RBFOX1: variants seen among roughly 807,000 people sequenced by gnomAD.
RBFOX1 encodes RNA binding protein fox-1 homolog 1.
RBFOX1 carries 8 observed loss-of-function variants against 57.7 expected under a neutral mutation model. The ratio of observed to expected loss-of-function variants is 0.14; its 90% CI spans 0.08 to 0.25. RBFOX1 has a LOEUF of 0.25. RBFOX1 is among the 10% of genes least tolerant of loss of function. The pLI is 1.00. For synonymous variants in RBFOX1, 326 were observed against 222.4 expected (o/e 1.47, Z -4.15); for missense variants, 611 against 548.5 (o/e 1.11, Z -1.14).
At chr16:6,444,786 C>G (rs542118505) in intron 2 of RBFOX1, among the ~76,000 whole-genome samples, 2 of 152,210 alleles carry the variant, frequency 1.3e-5, no homozygotes, top group South Asian at 2.1e-4. Flanking sequence ...GGGGAGGAAC[C>G]AAAACTGCTT....
Position 5,751,055 on chromosome 16 carries a change from C to T in RBFOX1, c.319-116248C>T, listed in dbSNP as rs903980260. 2.0e-5 allele frequency among the ~76,000 whole-genome samples: 3 copies of T among 152,274 alleles called. No individual in the cohort carries two copies. The South Asian group carries it at 6.2e-4, about 32-fold the overall frequency. ...GGTGGGTTTCACCATGTTGACTGGG[C>T]TGGTCTCAAACTTCTGACCTGAAGA... On this transcript the variant is annotated intron_variant, in intron 3 of 19. Transcript: ENST00000641259.
intron 4 of RBFOX1, among the ~76,000 whole-genome samples, chr16:7,280,929 A>G (rs2095527994): frequency 6.7e-6 from 1 of 149,462 alleles, no homozygotes; most frequent in Non-Finnish European, 1.5e-5. Flanking sequence ...GGGCCTCTTG[A>G]ATCAATTGCA....
At chr16:6,381,164 A>G (rs757452585) in intron 2 of RBFOX1, among the ~76,000 whole-genome samples, 1 of 152,060 alleles carries the variant, frequency 6.6e-6, no homozygotes, top group Non-Finnish European at 1.5e-5. Context: ...TCCTAGAGAC[A>G]TTTTCATTTT....
chr16:7,034,832 T>TTTTTTTC (rs2043841845), intron 3 of RBFOX1, among the ~76,000 whole-genome samples: 2 of 113,522 alleles, frequency 1.8e-5, no homozygotes, highest in African/African-American at 3.7e-5. Flanking sequence ...CATTACTTTT[T>TTTTTTTC]TTTTTTTTCT....
intron 4 of RBFOX1, among the ~76,000 whole-genome samples, chr16:7,097,462 C>A (rs1028430933): frequency 6.6e-6 from 1 of 152,140 alleles, no homozygotes. Context: ...AAGAACCCTA[C>A]AGAGGAGGAC....
At chr16:5,747,686 T>G (rs1375159647) in intron 3 of RBFOX1, among the ~76,000 whole-genome samples, 1 of 152,194 alleles carries the variant, frequency 6.6e-6, no homozygotes, top group Non-Finnish European at 1.5e-5. Flanking sequence ...TATACTATTC[T>G]TTGATGGTAG....
At chr16:7,177,162 TG>T (rs2081841955) in intron 4 of RBFOX1, among the ~76,000 whole-genome samples, 1 of 152,204 alleles carries the variant, frequency 6.6e-6, no homozygotes, top group Non-Finnish European at 1.5e-5. Context: ...CATGCATTTT[TG>T]TCCAGGAGTA....
intron 3 of RBFOX1, among the ~76,000 whole-genome samples, chr16:5,680,695 C>G (rs912706731): frequency 6.0e-4 from 91 of 152,254 alleles, no homozygotes; most frequent in Non-Finnish European, 2.6e-4. Flanking sequence ...TGGAGAATGC[C>G]AAACTTTAGG....
chr16:7,207,358 C>G (rs972461428), intron 4 of RBFOX1, among the ~76,000 whole-genome samples: 1 of 152,142 alleles, frequency 6.6e-6, no homozygotes, highest in Non-Finnish European at 1.5e-5. Context: ...TCTCCACTGT[C>G]CCTTCCAAGA....
At chr16:5,452,063 G>A (rs1375817005) in intron 1 of RBFOX1, among the ~76,000 whole-genome samples, 1 of 150,940 alleles carries the variant, frequency 6.6e-6, no homozygotes, top group East Asian at 1.9e-4. Flanking sequence ...ATCCCCATGG[G>A]CCCAAGCCCC....
chr16:6,864,472 T>C (rs1820960926), intron 3 of RBFOX1, among the ~76,000 whole-genome samples: 1 of 151,450 alleles, frequency 6.6e-6, no homozygotes, highest in Non-Finnish European at 1.5e-5. Context: ...AAAGTATAAA[T>C]GACATAATCT....
At chr16:5,898,823 G>T (rs556405371) in intron 4 of RBFOX1, among the ~76,000 whole-genome samples, 8 of 151,866 alleles carry the variant, frequency 5.3e-5, no homozygotes, top group African/African-American at 1.9e-4. Context: ...ACTTTGTGGG[G>T]CTGAGAAGGG....
At position 5,956,678 on chromosome 16, in the gene RBFOX1, A is replaced by ATTTTTTTTT. The variant is rs34743228; in HGVS notation, c.351+89351_351+89352insTTTTTTTTT. Among the ~76,000 whole-genome samples the ATTTTTTTTT allele has an allele frequency of 6.4e-3, 740 of 116,448 alleles. 14 individuals are homozygous for ATTTTTTTTT. Among genetic ancestry groups the ATTTTTTTTT allele is most frequent in the African/African-American group, 0.023 (672 of 28,906 alleles). The allele number at this position is 116,448 out of a possible 152,430, so 76.4% of individuals were successfully genotyped here. On this transcript the variant is annotated intron_variant, in intron 4 of 19. Transcript: ENST00000641259. ...TATATTTATATATATATATATATAT[A>ATTTTTTTTT]TTTTTTTTGAGGCACAGTCTCATCC...
intron 1 of RBFOX1, among the ~76,000 whole-genome samples, chr16:6,143,364 A>G (rs147059184): frequency 1.6e-3 from 250 of 152,308 alleles, no homozygotes; most frequent in African/African-American, 4.9e-3. Flanking sequence ...TTAATTGACC[A>G]TTATGTTCAT....
At chr16:6,007,483 A>G (rs1282203978) in intron 4 of RBFOX1, among the ~76,000 whole-genome samples, 2 of 152,160 alleles carry the variant, frequency 1.3e-5, no homozygotes, top group African/African-American at 2.4e-5. Flanking sequence ...CACAGTTGAC[A>G]TGTTGATTCC....
chr16:7,410,774 C>T (rs2098416741), intron 4 of RBFOX1, among the ~76,000 whole-genome samples: 1 of 152,082 alleles, frequency 6.6e-6, no homozygotes, highest in African/African-American at 2.4e-5. Flanking sequence ...ACTGATGCTC[C>T]TAATTCCCAC....
chr16:7,276,064 A>G (rs573919803), intron 4 of RBFOX1, among the ~76,000 whole-genome samples: 3 of 152,348 alleles, frequency 2.0e-5, no homozygotes, highest in East Asian at 1.9e-4. Flanking sequence ...GGCAATAAAG[A>G]AACTCCTAAA....
chr16:6,995,475 G>C (rs985427194), intron 3 of RBFOX1, among the ~76,000 whole-genome samples: 3 of 152,066 alleles, frequency 2.0e-5, no homozygotes, highest in Non-Finnish European at 4.4e-5. Context: ...AGAAGAGGAA[G>C]GCTTTGAAGA....
chr16:6,070,271 TA>T (rs1285114747), intron 1 of RBFOX1, among the ~76,000 whole-genome samples: 1 of 152,212 alleles, frequency 6.6e-6, no homozygotes, highest in Non-Finnish European at 1.5e-5. Context: ...AAATTCATCC[TA>T]AAAATAATTT....
Sources: gnomAD v4.1 joint callset for allele counts (sites outside exome capture counted in the v4.1 genomes callset) on GRCh38, gnomAD v4.1.1 for gene constraint, MANE v1.5 for transcripts, NCBI Gene and HGNC (gene_info 2026-07-23, HGNC 2026-07-21) for gene names.